Variants in SHISA6 observed in about 807,000 individuals in gnomAD.
SHISA6 encodes shisa family member 6, also known as protein shisa-6.
A neutral mutation model predicts 47.9 loss-of-function variants in SHISA6; 22 were observed. The observed-to-expected ratio is 0.46, with a 90% CI of 0.33 to 0.66. The LOEUF is 0.66. SHISA6 is among the 30% of genes least tolerant of loss of function. The probability of loss-of-function intolerance (pLI) is 0.02; values close to 1 mark genes in which losing one functional copy is unlikely to be tolerated. For synonymous variants in SHISA6, 388 were observed against 337.8 expected (o/e 1.15, Z -1.63); for missense variants, 680 against 764.6 (o/e 0.89, Z 1.30).
intron 2 of SHISA6, among the ~76,000 whole-genome samples, chr17:11,352,557 T>C (rs1042157688): frequency 9.2e-5 from 14 of 152,296 alleles, no homozygotes; most frequent in Admixed American, 8.5e-4. Flanking sequence ...TAAGTCTTGC[T>C]GCTAATCATA....
At chr17:11,411,200 C>T (rs2142272583) in intron 3 of SHISA6, among the ~76,000 whole-genome samples, 1 of 152,208 alleles carries the variant, frequency 6.6e-6, no homozygotes, top group South Asian at 2.1e-4. Flanking sequence ...GATCTCGTGA[C>T]CTCGTGATCT....
At chr17:11,268,029 C>G (rs369918765) in intron 2 of SHISA6, among the ~76,000 whole-genome samples, 12 of 152,226 alleles carry the variant, frequency 7.9e-5, no homozygotes, top group Non-Finnish European at 1.6e-4. Context: ...GACCTCACCC[C>G]CTCCTAAAGA....
intron 1 of SHISA6, among the ~76,000 whole-genome samples, chr17:11,247,119 C>T (rs1220467007): frequency 1.3e-5 from 2 of 152,198 alleles, no homozygotes; most frequent in African/African-American, 4.8e-5. Context: ...TCATTGTATT[C>T]AACTGGTTTT....
chr17:11,499,683 C>CT (rs372464937), intron 3 of SHISA6, among the ~76,000 whole-genome samples: 14,831 of 127,418 alleles, frequency 0.12, 753 homozygotes, highest in Middle Eastern at 0.18. Flanking sequence ...CTTTTTCTTT[C>CT]TTTTTTTTTT....
At chr17:11,418,075 A>G (rs563793377) in intron 3 of SHISA6, among the ~76,000 whole-genome samples, 59 of 152,372 alleles carry the variant, frequency 3.9e-4, no homozygotes, top group African/African-American at 1.3e-3. Flanking sequence ...CTCAAACTTC[A>G]TAACAAATGC....
chr17:11,288,370 C>A (rs1158284337), intron 2 of SHISA6: 1 of 152,146 alleles, frequency 6.6e-6, no homozygotes, highest in African/African-American at 2.4e-5. Flanking sequence ...TTTTTTCACA[C>A]CTAAAACAGC....
chr17:11,475,541 G>C (rs916590722), intron 3 of SHISA6, among the ~76,000 whole-genome samples: 1 of 152,036 alleles, frequency 6.6e-6, no homozygotes, highest in African/African-American at 2.4e-5. Context: ...ATATGACCAT[G>C]TGATTTTTCT....
intron 2 of SHISA6, among the ~76,000 whole-genome samples, chr17:11,339,227 GTTGTCAAC>G (rs1309420193): frequency 6.6e-6 from 1 of 150,900 alleles, no homozygotes; most frequent in Non-Finnish European, 1.5e-5. Flanking sequence ...TATATGTGAT[GTTGTCAAC>G]TTGTCTTTGT....
At chr17:11,517,431 C>T (rs777080348) in intron 3 of SHISA6, among the ~76,000 whole-genome samples, 156 of 152,302 alleles carry the variant, frequency 1.0e-3, no homozygotes, top group Non-Finnish European at 1.3e-3. Flanking sequence ...TGCTTAGGAA[C>T]AAAAACAAAG....
intron 3 of SHISA6, among the ~76,000 whole-genome samples, chr17:11,460,442 A>C (rs1237476518): frequency 2.6e-5 from 4 of 152,160 alleles, no homozygotes; most frequent in Non-Finnish European, 4.4e-5. Flanking sequence ...CCCAGGCTGG[A>C]GTGCAATGGC....
At position 11,456,707 on chromosome 17, in the gene SHISA6, G is replaced by C. The variant is rs1039535742; in HGVS notation, c.895+77198G>C. Among the ~76,000 whole-genome samples, 7 of 152,244 alleles carry C rather than the reference G, an allele frequency of 4.6e-5. No homozygotes were observed. The East Asian group carries it at 5.8e-4, about 13-fold the overall frequency. ...CCTTAGCCCTCACCAGGGCTGGACCGCCCCCCTCTGCACACGAAGAACTGC... is the reference window on the plus strand; with the variant it reads ...CCTTAGCCCTCACCAGGGCTGGACCCCCCCCCTCTGCACACGAAGAACTGC... On this transcript the variant is annotated intron_variant, in intron 3 of 5. Coordinates refer to ENST00000441885, the MANE Select transcript of SHISA6 (RefSeq NM_207386.4).
intron 3 of SHISA6, among the ~76,000 whole-genome samples, chr17:11,480,934 G>A (rs943040082): frequency 1.3e-5 from 2 of 152,080 alleles, no homozygotes; most frequent in South Asian, 2.1e-4. Flanking sequence ...AAAAAATAGA[G>A]TATATAAAAA....
chr17:11,277,323 G>A (rs116504543), intron 2 of SHISA6, among the ~76,000 whole-genome samples: 2,531 of 91,536 alleles, frequency 0.028, 82 homozygotes, highest in African/African-American at 0.093. Flanking sequence ...CACACACCCC[G>A]CATGTACGTA....
At chr17:11,552,098 C>A in intron 4 of SHISA6, 146 bp downstream of exon 4, 1 of 767,816 alleles carries the variant, frequency 1.3e-6, no homozygotes. Flanking sequence ...TCGCCCTCCT[C>A]CAGGGCCACA....
At chr17:11,310,403 A>T (rs903124635) in intron 2 of SHISA6, among the ~76,000 whole-genome samples, 1 of 152,184 alleles carries the variant, frequency 6.6e-6, no homozygotes, top group East Asian at 1.9e-4. Flanking sequence ...GGGATATAAG[A>T]TGATCAAAAT....
intron 3 of SHISA6, among the ~76,000 whole-genome samples, chr17:11,486,358 T>G (rs749435330): frequency 3.3e-5 from 5 of 152,238 alleles, no homozygotes; most frequent in Non-Finnish European, 7.3e-5. Flanking sequence ...CTTTTTGCAC[T>G]GTGAGCCCTC....
intron 1 of SHISA6, among the ~76,000 whole-genome samples, chr17:11,254,310 T>A (rs1015230251): frequency 6.6e-6 from 1 of 152,160 alleles, no homozygotes; most frequent in Admixed American, 6.5e-5. Flanking sequence ...GTTGTGGAAG[T>A]GTGTTCTTCT....
At chr17:11,316,419 C>CTTT (rs551048325) in intron 2 of SHISA6, among the ~76,000 whole-genome samples, 1 of 56,898 alleles carries the variant, frequency 1.8e-5, no homozygotes, top group African/African-American at 8.9e-5. Flanking sequence ...CTCTCTCTCT[C>CTTT]TTTTTTTTTT....
intron 3 of SHISA6, among the ~76,000 whole-genome samples, chr17:11,542,800 G>A (rs1340062316): frequency 6.6e-6 from 1 of 152,132 alleles, no homozygotes; most frequent in African/African-American, 2.4e-5. Flanking sequence ...TCTCTGTGAA[G>A]ACCACCTTAT....
Sources: allele counts gnomAD v4.1 joint callset (sites outside exome capture counted in the v4.1 genomes callset), GRCh38; gene constraint gnomAD v4.1.1; transcripts MANE v1.5; gene names NCBI Gene and HGNC (gene_info 2026-07-23, HGNC 2026-07-21).